Variants in ZNF461 observed in about 807,000 individuals in gnomAD.
The protein encoded by ZNF461 is zinc finger protein 461, also known as gonadotropin-inducible ovarian transcription factor-1.
A neutral mutation model predicts 18.3 loss-of-function variants in ZNF461; 16 were observed. That is an observed-to-expected ratio of 0.88 (90% CI 0.59 to 1.33). The LOEUF is 1.33. Ranked by LOEUF, ZNF461 falls within the 40% of genes most tolerant of loss-of-function variation. The pLI is 0.00. For missense variants in ZNF461, 595 were observed against 669.9 expected, an observed-to-expected ratio of 0.89 and a Z score of 1.23; for synonymous variants, 179 against 216.9, an observed-to-expected ratio of 0.83 and a Z score of 1.54.
At chr19:36,664,584 G>T in intron 2 of ZNF461, 114 bp downstream of exon 2, 1 of 766,574 alleles carries the variant, frequency 1.3e-6, no homozygotes, top group Non-Finnish European at 1.9e-6. Context: ...AGACAGCGAG[G>T]CTATGTCTCA....
intron 2 of ZNF461, among the ~76,000 whole-genome samples, chr19:36,662,606 C>T (rs973506574): frequency 1.3e-5 from 2 of 152,182 alleles, no homozygotes; most frequent in Non-Finnish European, 2.9e-5. Flanking sequence ...ATATGCAATG[C>T]TATCATTGAT....
Position 36,638,907 on chromosome 19 carries a change from G to A in ZNF461, c.1438C>T (p.Leu480Phe). 1.2e-6 allele frequency: 2 copies of A among 1,606,444 alleles called. No homozygotes were observed. The highest frequency in any genetic ancestry group is 1.7e-6 in the Non-Finnish European group (2 of 1,174,712). The change falls in exon 6 of 6, where the codon CTT becomes TTT. Residue 480 changes from leucine to phenylalanine, a missense_variant. By Grantham distance (22) the Leu-to-Phe change is conservative (BLOSUM62 0). Transcript: ENST00000588268. ...ECMICGKAFR[L>F]HSHLIQHQRI... The stretch of plus-strand genomic sequence containing the variant: ...TGATGTTGAATAAGGTGTGAATGAA[G>A]TCTAAAGGCCTTACCACATATCATG...
chr19:36,660,468 T>C (rs983349469), intron 2 of ZNF461, among the ~76,000 whole-genome samples: 1 of 152,006 alleles, frequency 6.6e-6, no homozygotes, highest in Non-Finnish European at 1.5e-5. Context: ...TAAAATTTAA[T>C]GTCACATTTC....
Position 36,639,473 on chromosome 19 carries a change from T to C in ZNF461, c.872A>G (p.His291Arg), listed in dbSNP as rs1284025726. Residue 291 changes from histidine (H) to arginine (R), a missense_variant, in exon 6 of 6, where the codon CAT becomes CGT. Coordinates refer to ENST00000588268, the MANE Select transcript of ZNF461 (RefSeq NM_153257.5). ...TTTCTCACCAGTGTGAATTCTTTGA[T>C]GTAGAGTAAGTTCTGAGCCATAATT... ...AFNYGSELTLHQRIHTGEKPY... is the reference protein window; with the variant it reads ...AFNYGSELTLRQRIHTGEKPY... 6.2e-7 allele frequency: 1 copy of C among 1,614,134 alleles called. No individual in the cohort carries two copies. Among genetic ancestry groups the C allele is most frequent in the South Asian group, 1.1e-5 (1 of 91,082 alleles).
At chr19:36,664,652 CA>C (rs770769998) in intron 2 of ZNF461, 45 bp downstream of exon 2, 71 of 1,445,606 alleles carry the variant, frequency 4.9e-5, no homozygotes, top group Non-Finnish European at 5.4e-5. Context: ...AACAAACAAA[CA>C]AAAAATCAAG....
chr19:36,664,879 A>T (rs2037877955), intron 1 of ZNF461, 93 bp from the exon 2 acceptor site: 2 of 454,160 alleles, frequency 4.4e-6, no homozygotes, highest in African/African-American at 4.1e-5. Context: ...TTCCCCCTTC[A>T]TATCTCCTAT....
At chr19:36,666,240 A>G (rs1162154579) in intron 1 of ZNF461, among the ~76,000 whole-genome samples, 32 of 151,858 alleles carry the variant, frequency 2.1e-4, no homozygotes, top group Admixed American at 6.6e-5. Flanking sequence ...AATTACAGAC[A>G]TGCACCACCA....
Position 36,639,253 on chromosome 19 carries a change from C to A in ZNF461, c.1092G>T (p.Lys364Asn), listed in dbSNP as rs1456718215. The stretch of plus-strand genomic sequence containing the variant: ...TAAGATGTGAGCGATGCCTAAAAGT[C>A]TTTCCACATTCTTTACATTCATAAG... ...EKPYECKECG[K>N]TFRHRSHLTI... Residue 364 changes from lysine to asparagine, a missense_variant, in exon 6 of 6, where the codon AAG becomes AAT. Physicochemically the swap from Lys to Asn is moderately conservative, Grantham distance 94. Coordinates refer to ENST00000588268, the MANE Select transcript of ZNF461 (RefSeq NM_153257.5). The A allele has an allele frequency of 5.6e-6, 9 of 1,614,076 alleles. No individual in the cohort carries two copies. The highest frequency in any genetic ancestry group is 5.9e-6 in the Non-Finnish European group (7 of 1,180,006).
In ZNF461 at chr19:36,645,646, C is replaced by CT. The variant is rs201857460; in HGVS notation, c.233-1785dup. On this transcript the variant is annotated intron_variant, in intron 4 of 5. Coordinates refer to ENST00000588268, the MANE Select transcript of ZNF461 (RefSeq NM_153257.5). ...ATCACCTTACATAGTTAACTGTTTT[C>CT]TTTTTTTTGTGGTAACAAAAAAACA... Among the ~76,000 whole-genome samples, 221 of 151,846 alleles carry CT rather than the reference C, an allele frequency of 1.5e-3. 1 individual carries two copies. The highest frequency in any genetic ancestry group is 4.9e-3 in the African/African-American group (203 of 41,412).
Position 36,658,400 on chromosome 19 carries a change from G to T in ZNF461, c.35C>A (p.Ala12Asp). ...CCATTCCTCCTGAGAGACATCTATA[G>T]CCACATCTCTGAACATCACCAACTC... ...AHELVMFRDV[A>D]IDVSQEEWEC... Residue 12 changes from alanine (A) to aspartate (D), a missense_variant, in exon 3 of 6, where the codon GCT becomes GAT. By Grantham distance (126) the Ala-to-Asp change is moderately radical (BLOSUM62 -2). Coordinates refer to ENST00000588268, the MANE Select transcript of ZNF461 (RefSeq NM_153257.5). The T allele has an allele frequency of 6.2e-7, 1 of 1,611,018 alleles. No individual in the cohort carries two copies. Among genetic ancestry groups the T allele is most frequent in the Non-Finnish European group, 8.5e-7 (1 of 1,178,434 alleles).
chr19:36,651,985 C>G (rs980665110), intron 4 of ZNF461, among the ~76,000 whole-genome samples: 4 of 152,122 alleles, frequency 2.6e-5, no homozygotes, highest in Non-Finnish European at 5.9e-5. Context: ...TCACAAAGAT[C>G]AATGCAACAG....
chr19:36,657,141 A>C (rs1328638988), intron 3 of ZNF461, among the ~76,000 whole-genome samples: 3 of 151,394 alleles, frequency 2.0e-5, no homozygotes, highest in Non-Finnish European at 4.4e-5. Context: ...TTTAATGTTA[A>C]CTGTACAAAG....
rs781044041 is a variant in ZNF461 at position 36,655,996 on chromosome 19, C to CTTT, written c.232+449_232+451dup. On this transcript the variant is annotated intron_variant, in intron 4 of 5. Coordinates refer to ENST00000588268, the MANE Select transcript of ZNF461 (RefSeq NM_153257.5). Reference sequence around the variant, plus strand: ...TTTCTATTCTATTCCTTTAGAATATCTTTTTTTTTTTTTTTTTTTGAGACG... The same window carrying CTTT: ...TTTCTATTCTATTCCTTTAGAATATCTTTTTTTTTTTTTTTTTTTTTTGAGACG... Among the ~76,000 whole-genome samples, 91 of 130,484 alleles carry CTTT rather than the reference C, an allele frequency of 7.0e-4. 1 individual carries two copies. Among genetic ancestry groups the CTTT allele is most frequent in the Non-Finnish European group, 1.2e-3 (75 of 61,824 alleles). 85.6% of individuals were successfully genotyped at this position (130,484 alleles called of 152,430 possible).
In ZNF461 at chr19:36,639,436, A is replaced by G; in HGVS notation, c.909T>C (p.Cys303=). ...GTCTAAAGGCCTTCCCACATTCTTT[A>G]CATTCATAAGGTTTCTCACCAGTGT... ...RIHTGEKPYE[C]KECGKAFRQR... The change falls in exon 6 of 6, where the codon TGT becomes TGC. Residue 303 remains cysteine (C), a synonymous_variant. Coordinates refer to ENST00000588268, the MANE Select transcript of ZNF461 (RefSeq NM_153257.5). The G allele has an allele frequency of 6.2e-7, 1 of 1,614,044 alleles. No homozygotes were observed. The highest frequency in any genetic ancestry group is 8.5e-7 in the Non-Finnish European group (1 of 1,179,980).
intron 2 of ZNF461, among the ~76,000 whole-genome samples, chr19:36,659,445 T>C (rs1188482082): frequency 6.6e-6 from 1 of 152,210 alleles, no homozygotes; most frequent in Non-Finnish European, 1.5e-5. Context: ...ATTGGTAGCA[T>C]AACATTTTTA....
chr19:36,650,354 G>A (rs917094156), intron 4 of ZNF461, among the ~76,000 whole-genome samples: 15 of 151,930 alleles, frequency 9.9e-5, no homozygotes, highest in Middle Eastern at 3.2e-3. Flanking sequence ...AGATATGGAC[G>A]AAATCTTTGA....
rs572897567 is a variant in ZNF461, at chr19:36,647,024, A to G, written c.233-3162T>C. On this transcript the variant is annotated intron_variant, in intron 4 of 5. Coordinates refer to ENST00000588268, the MANE Select transcript of ZNF461 (RefSeq NM_153257.5). The stretch of plus-strand genomic sequence containing the variant: ...AAAAGTTTGAGACTGATAACTATAT[A>G]TAGCATTGCATTCTAACACAATTTA... Among the ~76,000 whole-genome samples, 3 of 152,344 alleles carry G rather than the reference A, an allele frequency of 2.0e-5. No individual in the cohort carries two copies. In the East Asian group the frequency reaches 5.8e-4, roughly 29 times the overall value.
intron 4 of ZNF461, among the ~76,000 whole-genome samples, chr19:36,647,020 A>G (rs1038129303): frequency 6.6e-6 from 1 of 152,206 alleles, no homozygotes; most frequent in Non-Finnish European, 1.5e-5. Flanking sequence ...ACTGATAACT[A>G]TATATAGCAT....
At chr19:36,663,262 G>A (rs936231900) in intron 2 of ZNF461, among the ~76,000 whole-genome samples, 5 of 152,014 alleles carry the variant, frequency 3.3e-5, no homozygotes, top group Non-Finnish European at 4.4e-5. Context: ...CAATTCTCCC[G>A]CCTTGGCCTC....
Sources: gnomAD v4.1 joint callset for allele counts (sites outside exome capture counted in the v4.1 genomes callset) on GRCh38, gnomAD v4.1.1 for gene constraint, MANE v1.5 for transcripts, NCBI Gene and HGNC (gene_info 2026-07-23, HGNC 2026-07-21) for gene names.